Variants in CCDC171 observed in about 807,000 individuals in gnomAD.
CCDC171 encodes coiled-coil domain-containing protein 171.
Under a neutral mutation model 168.2 loss-of-function variants are expected in CCDC171, and 177 were observed. That is an observed-to-expected ratio of 1.05 (90% CI 0.93 to 1.19). The LOEUF is 1.19. Among genes scored for constraint, CCDC171 ranks in the 50% most tolerant of loss-of-function variants. CCDC171 has a pLI of 0.00. For synonymous variants in CCDC171, 687 were observed against 540.8 expected (o/e 1.27, Z -3.75); for missense variants, 1,991 against 1,539.0 (o/e 1.29, Z -4.91).
At chr9:16,075,698 C>A in the CCDC171 span, among the ~76,000 whole-genome samples, 1 of 152,108 alleles carries the variant, frequency 6.6e-6, no homozygotes, top group Non-Finnish European at 1.5e-5. Flanking sequence ...CAGGCCACAG[C>A]TTTAGTCGGG....
intron 24 of CCDC171, among the ~76,000 whole-genome samples, chr9:15,897,990 A>G (rs1020800380): frequency 6.6e-6 from 1 of 152,200 alleles, no homozygotes; most frequent in African/African-American, 2.4e-5. Flanking sequence ...TTCTTAGTCT[A>G]TAAAGATAAT....
chr9:16,044,093 T>C (rs1252491510), intron 1 of CCDC171, among the ~76,000 whole-genome samples: 4 of 152,184 alleles, frequency 2.6e-5, no homozygotes, highest in African/African-American at 9.7e-5. Context: ...TCGATGTGTC[T>C]CCCCAATGGG....
At chr9:15,825,753 G>A (rs2059985678) in intron 21 of CCDC171, among the ~76,000 whole-genome samples, 1 of 152,116 alleles carries the variant, frequency 6.6e-6, no homozygotes, top group African/African-American at 2.4e-5. Flanking sequence ...AATTCTAGAA[G>A]TGTCTTAATC....
chr9:15,730,541 AT>A (rs1332341338), intron 16 of CCDC171, among the ~76,000 whole-genome samples: 1 of 151,866 alleles, frequency 6.6e-6, no homozygotes. Flanking sequence ...AAGGTTGTAT[AT>A]TCTTCCCATG....
At chr9:15,746,786 C>T (rs1199116742) in intron 18 of CCDC171, among the ~76,000 whole-genome samples, 1 of 152,186 alleles carries the variant, frequency 6.6e-6, no homozygotes. Flanking sequence ...TGAGCTGAAG[C>T]AGGGCGGGGT....
intron 2 of CCDC171, among the ~76,000 whole-genome samples, chr9:15,566,502 T>A (rs1238561788): frequency 6.6e-6 from 1 of 152,210 alleles, no homozygotes; most frequent in Non-Finnish European, 1.5e-5. Flanking sequence ...GAGATTGCAG[T>A]GAGCCTAGAT....
At chr9:15,576,474 C>CACCG (rs2131185211) in intron 3 of CCDC171, among the ~76,000 whole-genome samples, 1 of 152,180 alleles carries the variant, frequency 6.6e-6, no homozygotes, top group Non-Finnish European at 1.5e-5. Context: ...AGGAGTGAGC[C>CACCG]ACCGCACCTG....
intron 25 of CCDC171, among the ~76,000 whole-genome samples, chr9:15,933,543 AGTTT>A (rs1826765944): frequency 6.6e-6 from 1 of 151,774 alleles, no homozygotes; most frequent in Non-Finnish European, 1.5e-5. Flanking sequence ...TTCTGGGCTT[AGTTT>A]GTTCTTATTT....
chr9:15,789,509 A>T (rs1276158401), intron 21 of CCDC171, among the ~76,000 whole-genome samples: 2 of 152,224 alleles, frequency 1.3e-5, no homozygotes, highest in East Asian at 3.9e-4. Context: ...GCAAAAGTCT[A>T]TCTGGAAAAA....
chr9:16,033,602 T>C (rs912191197), intron 6 of CCDC171, among the ~76,000 whole-genome samples: 1 of 152,224 alleles, frequency 6.6e-6, no homozygotes, highest in African/African-American at 2.4e-5. Flanking sequence ...TATAATTATT[T>C]CATTATATAT....
intron 18 of CCDC171, among the ~76,000 whole-genome samples, chr9:15,762,088 A>G (rs941684086): frequency 6.6e-6 from 1 of 151,886 alleles, no homozygotes; most frequent in African/African-American, 2.4e-5. Context: ...TTTAGGAAGC[A>G]TAGATGAGGC....
chr9:15,814,871 C>T (rs918545314), intron 21 of CCDC171, among the ~76,000 whole-genome samples: 1 of 151,928 alleles, frequency 6.6e-6, no homozygotes, highest in Non-Finnish European at 1.5e-5. Flanking sequence ...TATTGTATAT[C>T]GAAAGTAATT....
At chr9:16,021,934 T>C (rs565359763) in intron 4 of CCDC171, among the ~76,000 whole-genome samples, 17 of 152,320 alleles carry the variant, frequency 1.1e-4, no homozygotes, top group Non-Finnish European at 2.1e-4. Flanking sequence ...TTTGCCTTTT[T>C]AAACCACTGT....
intron 21 of CCDC171, among the ~76,000 whole-genome samples, chr9:15,809,650 C>G (rs191535876): frequency 5.3e-5 from 8 of 152,244 alleles, no homozygotes; most frequent in Admixed American, 4.6e-4. Flanking sequence ...TTCATTCCTC[C>G]TGGTGGCTTC....
Position 15,590,779 on chromosome 9 carries a change from T to TTC in CCDC171, c.353-585_353-584dup, listed in dbSNP as rs768851802. ...TTCTTCTTTCTTTCTTTCTCTTTCTTTCTTTCTTTCTTTCTTTCTTTCTTT... is the reference window on the plus strand; with the variant it reads ...TTCTTCTTTCTTTCTTTCTCTTTCTTTCTCTTTCTTTCTTTCTTTCTTTCTTT... On this transcript the variant is annotated intron_variant, in intron 4 of 25. Transcript: ENST00000380701. Among the ~76,000 whole-genome samples the TTC allele has an allele frequency of 1.2e-4, 14 of 115,178 alleles. No individual in the cohort carries two copies. The Middle Eastern group carries it at 0.012, about 99-fold the overall frequency. 75.6% of individuals were successfully genotyped at this position (115,178 alleles called of 152,430 possible).
intron 3 of CCDC171, among the ~76,000 whole-genome samples, chr9:15,998,181 G>T (rs1445446225): frequency 2.0e-5 from 3 of 152,192 alleles, no homozygotes; most frequent in Admixed American, 2.0e-4. Flanking sequence ...TCGGTTCCCA[G>T]ACCCATGTGT....
chr9:15,623,476 C>CGCGCACACACACACACACAG, intron 7 of CCDC171, 63 bp downstream of exon 7: 1 of 344,246 alleles, frequency 2.9e-6, no homozygotes, highest in African/African-American at 6.9e-5. Context: ...CGCGCGCGCG[C>CGCGCACACACACACACACAG]ACACACACAC....
intron 1 of CCDC171, among the ~76,000 whole-genome samples, chr9:15,562,252 C>T (rs1023410435): frequency 6.6e-6 from 1 of 152,098 alleles, no homozygotes; most frequent in African/African-American, 2.4e-5. Flanking sequence ...CCTCGGCCTC[C>T]CTAAGTGCTG....
chr9:15,622,489 A>G (rs2044586327), intron 6 of CCDC171, among the ~76,000 whole-genome samples: 1 of 152,186 alleles, frequency 6.6e-6, no homozygotes, highest in Non-Finnish European at 1.5e-5. Context: ...ATATATAAAT[A>G]TTCATGTGTG....
Sources: gnomAD v4.1 joint callset for allele counts (sites outside exome capture counted in the v4.1 genomes callset) on GRCh38, gnomAD v4.1.1 for gene constraint, MANE v1.5 for transcripts, NCBI Gene and HGNC (gene_info 2026-07-23, HGNC 2026-07-21) for gene names.